The following PLBD2 variants were observed in gnomAD, a reference collection of about 807,000 sequenced individuals.
PLBD2 encodes the protein phospholipase B domain containing 2.
In PLBD2, 51 loss-of-function variants were observed where a neutral mutation model predicts 68.3. The ratio of observed to expected loss-of-function variants is 0.75; its 90% CI spans 0.60 to 0.94. The LOEUF is 0.94. Ranked by LOEUF, PLBD2 falls within the 40% of genes least tolerant of loss-of-function variation. PLBD2 has a pLI of 0.00. For missense variants in PLBD2, 729 were observed against 792.2 expected (o/e 0.92, Z 0.96); for synonymous variants, 314 against 339.3 (o/e 0.93, Z 0.82).
chr12:113,373,551 A>ACCACCCATCCAT (rs1215992969), intron 3 of PLBD2, among the ~76,000 whole-genome samples: 4 of 151,818 alleles, frequency 2.6e-5, no homozygotes, highest in African/African-American at 9.7e-5. Context: ...CCACACATCC[A>ACCACCCATCCAT]CCACCCATCC....
At chr12:113,359,215 A>C in intron 1 of PLBD2, 4 of 298,280 alleles carry the variant, frequency 1.3e-5, no homozygotes, top group East Asian at 7.1e-5. Flanking sequence ...GGTAAATTCT[A>C]TCCTCACGGG....
At chr12:113,361,040 G>A (rs1957288492) in intron 1 of PLBD2, among the ~76,000 whole-genome samples, 1 of 152,114 alleles carries the variant, frequency 6.6e-6, no homozygotes. Context: ...CATTTTATAG[G>A]CAGGAAACTG....
chr12:113,384,020 A>T lies in PLBD2; in HGVS notation c.958-85A>T, dbSNP rs866320124. On this transcript the variant is annotated intron_variant, in intron 6 of 11. Transcript: ENST00000280800. This position sits in a 1 kb window ranked among gnomAD's most constrained non-coding sequence, Gnocchi z 4.2. The stretch of plus-strand genomic sequence containing the variant: ...TCAAAAAAAAAAAAAAAAAAAAAAA[A>T]TTTTTGGAGCCATGACTGATGAAGT... 536 of 991,944 alleles carry T rather than the reference A, an allele frequency of 5.4e-4. No homozygotes were observed. Among genetic ancestry groups the T allele is most frequent in the Middle Eastern group, 5.4e-3 (20 of 3,722 alleles). 61.4% of individuals were successfully genotyped at this position (991,944 alleles called of 1,614,324 possible). A position where few individuals can be genotyped will look rare whatever the true frequency, so the allele number is the denominator to read the frequency against.
At position 113,372,714 on chromosome 12, in the gene PLBD2, C is replaced by T; in HGVS notation, c.450C>T (p.Gly150=). Residue 150 remains glycine, a synonymous_variant, in exon 3 of 12, where the codon GGC becomes GGT. Coordinates refer to ENST00000280800, the MANE Select transcript of PLBD2 (RefSeq NM_173542.4). The surrounding 1 kb of genome is among the most constrained non-coding windows in gnomAD (Gnocchi z 4.2). ...GCGGCCCCTTCGAGTATGAAGTCGG[C>T]TACTGCGAGAGGCTGAAGAGCTTCC... ...NYCGPFEYEV[G]YCERLKSFLE... 6.2e-7 allele frequency: 1 copy of T among 1,614,132 alleles called. No homozygotes were observed. Among genetic ancestry groups the T allele is most frequent in the Non-Finnish European group, 8.5e-7 (1 of 1,180,022 alleles).
intron 9 of PLBD2, 61 bp from the exon 10 acceptor site, chr12:113,386,876 C>T (rs1957557995): frequency 6.3e-7 from 1 of 1,579,324 alleles, no homozygotes; most frequent in Non-Finnish European, 8.6e-7. Context: ...CCCTCCCTGG[C>T]CACAGCCTTG....
chr12:113,389,607 A>G lies in PLBD2; in HGVS notation c.*981A>G, dbSNP rs1214886078. ...TCCGTCTTCCATCATCCATCCATCC[A>G]TCTACCTATCCATTTATCATCCATC... is the stretch of plus-strand genomic sequence containing the variant. On this transcript the variant is annotated 3_prime_UTR_variant, in exon 12 of 12. Transcript: ENST00000280800. 6.6e-6 allele frequency: 1 copy of G among 150,926 alleles called. No individual in the cohort carries two copies. The highest frequency in any genetic ancestry group is 1.5e-5 in the Non-Finnish European group (1 of 67,758). 9.3% of individuals were successfully genotyped at this position (150,926 alleles called of 1,614,324 possible).
chr12:113,363,392 G>C (rs1330622297), intron 1 of PLBD2, among the ~76,000 whole-genome samples: 1 of 152,056 alleles, frequency 6.6e-6, no homozygotes, highest in Non-Finnish European at 1.5e-5. Flanking sequence ...GATCACGCCA[G>C]TGCACTCCAG....
rs1957582099 is a variant in PLBD2 at position 113,389,001 on chromosome 12, G to C, written c.*375G>C. 1 of 166,350 alleles carries C rather than the reference G, an allele frequency of 6.0e-6. No homozygotes were observed. Among genetic ancestry groups the C allele is most frequent in the Admixed American group, 6.4e-5 (1 of 15,718 alleles). 10.3% of individuals were successfully genotyped at this position (166,350 alleles called of 1,614,324 possible). A position where few individuals can be genotyped will look rare whatever the true frequency, so the allele number is the denominator to read the frequency against. Reference sequence around the variant, plus strand: ...ACTCTGGGGCTCCCATGGGGTGGAAGGAGCCTGTTCCAGCACCCTTCTCCC... The same window carrying C: ...ACTCTGGGGCTCCCATGGGGTGGAACGAGCCTGTTCCAGCACCCTTCTCCC... On this transcript the variant is annotated 3_prime_UTR_variant, in exon 12 of 12. Transcript: ENST00000280800.
chr12:113,369,101 C>G lies in PLBD2; in HGVS notation c.291-15C>G. ...GCCTCTGCTGCTGACTGAGTGTCCCCTCCTTCCCCTCCAGGTGGGCCTTCC... is the reference window on the plus strand; with the variant it reads ...GCCTCTGCTGCTGACTGAGTGTCCCGTCCTTCCCCTCCAGGTGGGCCTTCC... On this transcript the variant is annotated splice_polypyrimidine_tract_variant and intron_variant, in intron 1 of 11. Transcript: ENST00000280800. 1.3e-6 allele frequency: 2 copies of G among 1,572,392 alleles called. No individual in the cohort carries two copies. The highest frequency in any genetic ancestry group is 4.6e-5 in the East Asian group (2 of 43,166).
intron 8 of PLBD2, 58 bp from the exon 9 acceptor site, chr12:113,385,154 G>A (rs965817207): frequency 8.3e-6 from 13 of 1,569,944 alleles, no homozygotes; most frequent in African/African-American, 1.3e-5. Flanking sequence ...GAGCAGGGCA[G>A]TGCCCACAGG....
chr12:113,369,242 C>T lies in PLBD2; in HGVS notation c.384+33C>T, dbSNP rs367801758. ...CCAAGGTGGGGACATGGGGCTCCCA[C>T]CCTGCCCCAGCCCCACAAGCATGTT... On this transcript the variant is annotated intron_variant, in intron 2 of 11. Coordinates refer to ENST00000280800, the MANE Select transcript of PLBD2 (RefSeq NM_173542.4). 7 of 1,527,234 alleles carry T rather than the reference C, an allele frequency of 4.6e-6. No individual in the cohort carries two copies. The African/African-American group carries it at 5.5e-5, about 12-fold the overall frequency. 94.6% of individuals were successfully genotyped at this position (1,527,234 alleles called of 1,614,324 possible).
intron 1 of PLBD2, among the ~76,000 whole-genome samples, chr12:113,368,224 A>G (rs1341574547): frequency 1.3e-5 from 2 of 152,194 alleles, no homozygotes; most frequent in Non-Finnish European, 2.9e-5. Flanking sequence ...CCTGCCTGGA[A>G]GTGAATCCTG....
In PLBD2 at chr12:113,367,808, T is replaced by C. The variant is rs71442754; in HGVS notation, c.291-1308T>C. Among the ~76,000 whole-genome samples the C allele has an allele frequency of 2.0e-5, 3 of 148,224 alleles. No individual in the cohort carries two copies. In the Admixed American group the frequency reaches 2.0e-4, roughly 10 times the overall value. ...AGTGGCCTTAAGCTACTGTAAAGTA[T>C]CTTAACAAAGTGCCTGTAATCCCAG... On this transcript the variant is annotated intron_variant, in intron 1 of 11. Transcript: ENST00000280800.
chr12:113,373,583 T>C (rs1957408872), intron 3 of PLBD2, among the ~76,000 whole-genome samples: 1 of 150,908 alleles, frequency 6.6e-6, no homozygotes, highest in Non-Finnish European at 1.5e-5. Flanking sequence ...CATCCATCCA[T>C]GCATCCATCC....
At chr12:113,380,388 G>A (rs905887195) in intron 5 of PLBD2, among the ~76,000 whole-genome samples, 1 of 152,174 alleles carries the variant, frequency 6.6e-6, no homozygotes, top group African/African-American at 2.4e-5. Context: ...GCCTGCCTTG[G>A]CCTCCCAAAG....
At chr12:113,362,095 C>A (rs553733552) in intron 1 of PLBD2, among the ~76,000 whole-genome samples, 1 of 152,156 alleles carries the variant, frequency 6.6e-6, no homozygotes, top group Middle Eastern at 3.4e-3. Context: ...CCTGTAATCC[C>A]AATGTTTTGG....
rs145046658 is a variant in PLBD2 at position 113,380,747 on chromosome 12, G to A, written c.862G>A (p.Asp288Asn). Residue 288 changes from aspartate (D) to asparagine (N), a missense_variant and splice_region_variant, in exon 6 of 12, where the codon GAC (aspartate) becomes AAC (asparagine). Coordinates refer to ENST00000280800, the MANE Select transcript of PLBD2 (RefSeq NM_173542.4). The stretch of plus-strand genomic sequence containing the variant: ...CCTGGCTCGCTCTGCCTGCACAGGG[G>A]ACTACCCGCTGGTTCCCGGCAACAA... Reference protein sequence around the residue: ...WLQFREGPWGDYPLVPGNKLV... With the variant: ...WLQFREGPWGNYPLVPGNKLV... The A allele has an allele frequency of 8.4e-4, 1,304 of 1,549,414 alleles. 2 individuals carry two copies. Among genetic ancestry groups the A allele is most frequent in the Non-Finnish European group, 1.1e-3 (1,256 of 1,147,102 alleles).
intron 1 of PLBD2, among the ~76,000 whole-genome samples, chr12:113,361,220 C>T (rs114360982): frequency 0.011 from 1,659 of 152,076 alleles, 34 homozygotes; most frequent in African/African-American, 0.038. Context: ...TTAGGATCCT[C>T]CTCCTTCCTG....
intron 5 of PLBD2, 141 bp downstream of exon 5, chr12:113,375,148 T>C (rs1957428858): frequency 1.2e-6 from 1 of 828,068 alleles, no homozygotes; most frequent in Non-Finnish European, 1.9e-6. Context: ...CATTTTGGTT[T>C]TGTTTTTTTC....
Sources: gnomAD v4.1 joint callset for allele counts (sites outside exome capture counted in the v4.1 genomes callset) on GRCh38, gnomAD v4.1.1 for gene constraint, Gnocchi (gnomAD v3.1) non-coding constraint, MANE v1.5 for transcripts, NCBI Gene and HGNC (gene_info 2026-07-23, HGNC 2026-07-21) for gene names.